Variants in EXOC5 observed in about 807,000 individuals in gnomAD.
The protein encoded by EXOC5 is exocyst complex component 5.
EXOC5 carries 17 observed loss-of-function variants against 90.8 expected under a neutral mutation model. The observed-to-expected ratio is 0.19, with a 90% CI of 0.13 to 0.28. The LOEUF (loss-of-function observed/expected upper bound fraction) is 0.28, where lower values mean the gene tolerates loss of function less well. Ranked by LOEUF, EXOC5 falls within the 10% of genes least tolerant of loss-of-function variation. The pLI is 1.00. For synonymous variants in EXOC5, 260 were observed against 270.0 expected, an observed-to-expected ratio of 0.96 and a Z score of 0.36; for missense variants, 569 against 830.6, an observed-to-expected ratio of 0.69 and a Z score of 3.87.
At chr14:57,230,409 C>T (rs544753904) in intron 11 of EXOC5, among the ~76,000 whole-genome samples, 23 of 148,940 alleles carry the variant, frequency 1.5e-4, no homozygotes, top group Middle Eastern at 6.9e-3. Flanking sequence ...GGATATGTAA[C>T]TTGAGACTAC....
At chr14:57,238,343 A>T (rs1462265062) in intron 5 of EXOC5, among the ~76,000 whole-genome samples, 2 of 97,306 alleles carry the variant, frequency 2.1e-5, no homozygotes, top group Admixed American at 1.3e-4. Context: ...ATATATCCTA[A>T]TTAGACATAT....
chr14:57,226,486 A>G (rs1883311968), intron 12 of EXOC5, among the ~76,000 whole-genome samples: 1 of 152,218 alleles, frequency 6.6e-6, no homozygotes, highest in Admixed American at 6.5e-5. Context: ...TGTAATTCCA[A>G]TCAAAATCTC....
chr14:57,243,772 C>T (rs1368874800), intron 4 of EXOC5: 1 of 156,442 alleles, frequency 6.4e-6, no homozygotes, highest in African/African-American at 2.4e-5. Flanking sequence ...TATTGCTTTA[C>T]AGAAAAGCAT....
intron 12 of EXOC5, among the ~76,000 whole-genome samples, chr14:57,226,732 C>A (rs559553658): frequency 9.2e-5 from 14 of 152,038 alleles, no homozygotes; most frequent in Admixed American, 5.9e-4. Flanking sequence ...TAATTCAGTG[C>A]GGAAAGGATA....
chr14:57,239,499 T>G, intron 5 of EXOC5, 96 bp downstream of exon 5: 2 of 745,600 alleles, frequency 2.7e-6, no homozygotes, highest in Non-Finnish European at 4.4e-6. Context: ...AATTTCCGTT[T>G]AATTAATGGG....
intron 1 of EXOC5, among the ~76,000 whole-genome samples, chr14:57,252,173 T>C (rs548608494): frequency 9.9e-5 from 15 of 152,282 alleles, no homozygotes; most frequent in African/African-American, 3.6e-4. Flanking sequence ...TCCAAAAAAC[T>C]GAGGAAGAGG....
At position 57,208,535 on chromosome 14, in the gene EXOC5, C is replaced by A. The variant is rs914467027; in HGVS notation, c.*74G>T. 3 of 1,097,724 alleles carry A rather than the reference C, an allele frequency of 2.7e-6. No individual in the cohort carries two copies. The highest frequency in any genetic ancestry group is 1.9e-5 in the Admixed American group (1 of 53,092). 68.0% of individuals were successfully genotyped at this position (1,097,724 alleles called of 1,614,324 possible). A position where few individuals can be genotyped will look rare whatever the true frequency, so the allele number is the denominator to read the frequency against. On this transcript the variant is annotated 3_prime_UTR_variant, in exon 18 of 18. Transcript: ENST00000621441. Reference sequence around the variant, plus strand: ...ATAAGGTATCTCCTGTGCTTTCTATCAACCGAGGGCTGCTGAAGTATAAGA... The same window carrying A: ...ATAAGGTATCTCCTGTGCTTTCTATAAACCGAGGGCTGCTGAAGTATAAGA...
intron 15 of EXOC5, among the ~76,000 whole-genome samples, chr14:57,213,457 GA>G (rs1260838088): frequency 2.0e-5 from 3 of 151,368 alleles, no homozygotes; most frequent in Non-Finnish European, 4.4e-5. Context: ...ACCCAGTCTG[GA>G]GTGCAGTGGC....
chr14:57,257,464 A>G (rs934771186), intron 1 of EXOC5, among the ~76,000 whole-genome samples: 3 of 152,200 alleles, frequency 2.0e-5, no homozygotes, highest in Non-Finnish European at 4.4e-5. Context: ...GTTGAGATCT[A>G]CGAGGAAGAA....
chr14:57,262,675 TA>T (rs1449789084), intron 1 of EXOC5, among the ~76,000 whole-genome samples: 1 of 144,578 alleles, frequency 6.9e-6, no homozygotes, highest in Non-Finnish European at 1.5e-5. Context: ...TAAGTGTATA[TA>T]TATACATTAA....
chr14:57,212,308 C>T (rs1045890874), intron 15 of EXOC5, among the ~76,000 whole-genome samples: 1 of 152,160 alleles, frequency 6.6e-6, no homozygotes, highest in African/African-American at 2.4e-5. Context: ...GTCCAGCTTC[C>T]CTGCAGTATG....
At chr14:57,212,311 G>A (rs1882852814) in intron 15 of EXOC5, among the ~76,000 whole-genome samples, 1 of 152,208 alleles carries the variant, frequency 6.6e-6, no homozygotes, top group Non-Finnish European at 1.5e-5. Flanking sequence ...CAGCTTCCCT[G>A]CAGTATGTGT....
intron 6 of EXOC5, among the ~76,000 whole-genome samples, chr14:57,236,570 A>G (rs917552701): frequency 1.3e-5 from 2 of 152,068 alleles, no homozygotes; most frequent in African/African-American, 4.8e-5. Flanking sequence ...ACAGGTGCGA[A>G]CCACCATGTC....
chr14:57,209,892 C>A, intron 16 of EXOC5, 61 bp downstream of exon 16: 1 of 1,169,252 alleles, frequency 8.6e-7, no homozygotes, highest in Non-Finnish European at 1.2e-6. Context: ...ATCTAGGGCA[C>A]AGTAGGATAC....
intron 1 of EXOC5, among the ~76,000 whole-genome samples, chr14:57,265,410 G>C (rs760919660): frequency 4.6e-5 from 7 of 152,110 alleles, no homozygotes; most frequent in African/African-American, 7.2e-5. Context: ...TAAAAGGAGA[G>C]AGGAACATTT....
chr14:57,217,925 T>C, intron 15 of EXOC5, 57 bp downstream of exon 15: 3 of 826,154 alleles, frequency 3.6e-6, no homozygotes, highest in Non-Finnish European at 6.3e-6. Context: ...TTCATGCTGC[T>C]ATAATATGGT....
intron 1 of EXOC5, among the ~76,000 whole-genome samples, chr14:57,263,764 CA>C (rs1424790322): frequency 0.011 from 1,336 of 126,816 alleles, 22 homozygotes; most frequent in African/African-American, 0.038. Context: ...AAAAAAAAAG[CA>C]AAAAAACAAA....
chr14:57,217,242 AC>A (rs1883002194), intron 15 of EXOC5, among the ~76,000 whole-genome samples: 1 of 151,890 alleles, frequency 6.6e-6, no homozygotes, highest in African/African-American at 2.4e-5. Context: ...TGATCCAACA[AC>A]CCCATTTCTG....
intron 3 of EXOC5, 140 bp from the exon 4 acceptor site, chr14:57,244,499 C>T (rs1230453484): frequency 1.5e-6 from 1 of 654,134 alleles, no homozygotes; most frequent in Non-Finnish European, 2.6e-6. Context: ...ATTAGTGTGA[C>T]ATGATCTGAA....
Sources: allele counts gnomAD v4.1 joint callset (sites outside exome capture counted in the v4.1 genomes callset), GRCh38; gene constraint gnomAD v4.1.1; transcripts MANE v1.5; gene names NCBI Gene and HGNC (gene_info 2026-07-23, HGNC 2026-07-21).